Variants in TBC1D22A observed in about 807,000 individuals in gnomAD.
TBC1D22A encodes the protein putative GTPase activator.
Under a neutral mutation model 60.2 loss-of-function variants are expected in TBC1D22A, and 38 were observed. The observed-to-expected ratio is 0.63, with a 90% CI of 0.49 to 0.83. The LOEUF is 0.83. Among genes scored for constraint, TBC1D22A ranks in the 40% least tolerant of loss-of-function variants. The pLI is 0.00. For synonymous variants in TBC1D22A, 302 were observed against 281.7 expected, an observed-to-expected ratio of 1.07 and a Z score of -0.72; for missense variants, 628 against 701.0, an observed-to-expected ratio of 0.90 and a Z score of 1.18.
intron 11 of TBC1D22A, among the ~76,000 whole-genome samples, chr22:47,085,963 T>C (rs1447599433): frequency 6.6e-6 from 1 of 152,196 alleles, no homozygotes; most frequent in African/African-American, 2.4e-5. Context: ...CCAGATTAAA[T>C]TGTGATGTAA....
chr22:46,872,695 G>A (rs2067347768), intron 4 of TBC1D22A, among the ~76,000 whole-genome samples: 2 of 152,210 alleles, frequency 1.3e-5, no homozygotes, highest in South Asian at 4.1e-4. Context: ...GTAGGAATTA[G>A]GAAAGAGTTT....
intron 8 of TBC1D22A, among the ~76,000 whole-genome samples, chr22:46,955,436 G>A (rs1273330205): frequency 6.6e-6 from 1 of 152,204 alleles, no homozygotes; most frequent in Admixed American, 6.5e-5. Flanking sequence ...CAGCTTCTTA[G>A]GCATATGTAT....
chr22:46,993,107 G>T (rs1454798506), intron 9 of TBC1D22A, among the ~76,000 whole-genome samples: 1 of 152,222 alleles, frequency 6.6e-6, no homozygotes, highest in East Asian at 1.9e-4. Context: ...CCGTGAGCTG[G>T]CAGGTTTGAC....
intron 10 of TBC1D22A, among the ~76,000 whole-genome samples, chr22:47,034,576 A>G (rs2062594072): frequency 6.6e-6 from 1 of 152,238 alleles, no homozygotes; most frequent in Admixed American, 6.5e-5. Flanking sequence ...CCCTGGCATC[A>G]GGCCTTCCTT....
intron 10 of TBC1D22A, 118 bp downstream of exon 10, chr22:46,997,827 T>C (rs1003747559): frequency 3.7e-6 from 3 of 807,078 alleles, no homozygotes; most frequent in Non-Finnish European, 6.1e-6. Flanking sequence ...TCAGGATCCC[T>C]CATGGGCATC....
At chr22:46,833,774 T>G (rs1282806727) in intron 4 of TBC1D22A, among the ~76,000 whole-genome samples, 2 of 152,038 alleles carry the variant, frequency 1.3e-5, no homozygotes, top group Non-Finnish European at 2.9e-5. Context: ...CAGTGAAAGG[T>G]CTAGTTTCCC....
At position 46,826,172 on chromosome 22, in the gene TBC1D22A, C is replaced by T. The variant is rs573523602; in HGVS notation, c.637+28552C>T. 3.3e-5 allele frequency among the ~76,000 whole-genome samples: 5 copies of T among 152,310 alleles called. No individual in the cohort carries two copies. In the East Asian group the frequency reaches 7.7e-4, roughly 24 times the overall value. On this transcript the variant is annotated intron_variant, in intron 4 of 12. Coordinates refer to ENST00000337137, the MANE Select transcript of TBC1D22A (RefSeq NM_014346.5). ...CTGGGATTATAGGCGTGAGCCACCA[C>T]ACCCAGCTGGTGGTCTTCTTTTAAC... is the stretch of plus-strand genomic sequence containing the variant.
chr22:46,762,735 C>G lies in TBC1D22A; in HGVS notation c.-52C>G. 7.2e-7 allele frequency: 1 copy of G among 1,388,714 alleles called. No individual in the cohort carries two copies. The highest frequency in any genetic ancestry group is 1.5e-5 in the African/African-American group (1 of 65,192). 86.0% of individuals were successfully genotyped at this position (1,388,714 alleles called of 1,614,324 possible). On this transcript the variant is annotated 5_prime_UTR_variant, in exon 1 of 13. Transcript: ENST00000337137. ...ACAGGAAAGGGCCGCTAGGGGAGGG[C>G]CGGGTGCACTCGGGGTGTCTGGGCC...
chr22:46,994,639 G>A (rs2075057653), intron 9 of TBC1D22A, among the ~76,000 whole-genome samples: 1 of 152,178 alleles, frequency 6.6e-6, no homozygotes, highest in African/African-American at 2.4e-5. Context: ...GTCGGAATAG[G>A]ACATTCATTA....
At chr22:46,980,035 C>T (rs1209197917) in intron 9 of TBC1D22A, among the ~76,000 whole-genome samples, 8 of 151,994 alleles carry the variant, frequency 5.3e-5, no homozygotes, top group Non-Finnish European at 1.0e-4. Context: ...TAAATGTTAG[C>T]GATTGCTCTC....
intron 8 of TBC1D22A, among the ~76,000 whole-genome samples, chr22:46,954,674 G>A (rs2073097461): frequency 7.1e-6 from 1 of 141,440 alleles, no homozygotes; most frequent in African/African-American, 3.2e-5. Context: ...CTGAGTACCA[G>A]CGTGTGTTCA....
intron 12 of TBC1D22A, among the ~76,000 whole-genome samples, chr22:47,168,874 C>T (rs1027095483): frequency 1.3e-5 from 2 of 152,238 alleles, no homozygotes; most frequent in African/African-American, 2.4e-5. Flanking sequence ...GATATCTGCT[C>T]TTCAGTGTCA....
At chr22:47,033,416 C>T (rs185062306) in intron 10 of TBC1D22A, among the ~76,000 whole-genome samples, 10 of 152,336 alleles carry the variant, frequency 6.6e-5, no homozygotes, top group Non-Finnish European at 8.8e-5. Context: ...ATGTGTCCAT[C>T]TTCCGGTTAC....
At chr22:47,013,138 C>T (rs568174557) in intron 10 of TBC1D22A, among the ~76,000 whole-genome samples, 2 of 152,334 alleles carry the variant, frequency 1.3e-5, no homozygotes, top group South Asian at 2.1e-4. Flanking sequence ...CTGTCCCAGT[C>T]GCTTCCTTCC....
intron 8 of TBC1D22A, among the ~76,000 whole-genome samples, chr22:46,921,023 G>A (rs1039913253): frequency 4.0e-5 from 6 of 151,852 alleles, no homozygotes; most frequent in Admixed American, 6.6e-5. Context: ...CACCCACCTC[G>A]GCCTCCCAAA....
At chr22:46,853,954 C>A (rs1356818004) in intron 4 of TBC1D22A, among the ~76,000 whole-genome samples, 1 of 152,220 alleles carries the variant, frequency 6.6e-6, no homozygotes, top group Non-Finnish European at 1.5e-5. Flanking sequence ...CCAATGGACA[C>A]TTCGTGAAAA....
At chr22:47,125,485 A>G (rs2066421441) in intron 12 of TBC1D22A, among the ~76,000 whole-genome samples, 1 of 152,198 alleles carries the variant, frequency 6.6e-6, no homozygotes, top group Non-Finnish European at 1.5e-5. Flanking sequence ...CATTATGATA[A>G]TGCAGTAGAA....
At chr22:47,125,284 G>A (rs1005250479) in intron 12 of TBC1D22A, among the ~76,000 whole-genome samples, 6 of 152,190 alleles carry the variant, frequency 3.9e-5, no homozygotes, top group African/African-American at 1.4e-4. Context: ...GTGTCTTCCA[G>A]AACACATTCT....
intron 6 of TBC1D22A, among the ~76,000 whole-genome samples, chr22:46,892,972 C>T (rs757755638): frequency 4.6e-5 from 7 of 152,244 alleles, no homozygotes; most frequent in South Asian, 2.1e-4. Context: ...TCTGCGTTCT[C>T]GCCATCGCCA....
Sources: allele counts gnomAD v4.1 joint callset (sites outside exome capture counted in the v4.1 genomes callset), GRCh38; gene constraint gnomAD v4.1.1; transcripts MANE v1.5; gene names NCBI Gene and HGNC (gene_info 2026-07-23, HGNC 2026-07-21).